The following TECTA variants were observed in gnomAD, a reference collection of about 807,000 sequenced individuals.
TECTA encodes tectorin alpha, also known as alpha-tectorin.
In TECTA, 128 loss-of-function variants were observed where a neutral mutation model predicts 216.8. That is an observed-to-expected ratio of 0.59 (90% CI 0.51 to 0.68). The LOEUF (loss-of-function observed/expected upper bound fraction) is 0.68. Among genes scored for constraint, TECTA ranks in the 30% least tolerant of loss-of-function variants. The probability of loss-of-function intolerance (pLI) is 0.00; values close to 1 mark genes in which losing one functional copy is unlikely to be tolerated. For synonymous variants in TECTA, 1,089 were observed against 1,117.1 expected, an observed-to-expected ratio of 0.97 and a Z score of 0.50; for missense variants, 2,551 against 2,786.2, an observed-to-expected ratio of 0.92 and a Z score of 1.90.
At position 121,165,396 on chromosome 11, in the gene TECTA, G is replaced by C; in HGVS notation, c.5383+13G>C. 1 of 1,564,562 alleles carries C rather than the reference G, an allele frequency of 6.4e-7. No individual in the cohort carries two copies. The highest frequency in any genetic ancestry group is 8.7e-7 in the Non-Finnish European group (1 of 1,153,182). On this transcript the variant is annotated intron_variant, in intron 17 of 23. Transcript: ENST00000392793. ...CCCTATGGAAATAGTGAGTGACATG[G>C]GCCACCTCCCCACCCAGAAAGGCCC...
chr11:121,186,422 A>G (rs1014232576), intron 20 of TECTA, among the ~76,000 whole-genome samples: 6 of 152,248 alleles, frequency 3.9e-5, no homozygotes, highest in African/African-American at 1.4e-4. Context: ...TAAGAAAGCC[A>G]GCCAGATAGC....
At chr11:121,160,465 T>A in intron 15 of TECTA, 44 bp downstream of exon 15, 1 of 1,600,534 alleles carries the variant, frequency 6.2e-7, no homozygotes, top group Non-Finnish European at 8.5e-7. Flanking sequence ...GTGGCCCAAG[T>A]TCTCTCACGT....
At chr11:121,135,008 T>C (rs1000212324) in intron 10 of TECTA, among the ~76,000 whole-genome samples, 5 of 152,214 alleles carry the variant, frequency 3.3e-5, no homozygotes, top group African/African-American at 1.2e-4. Flanking sequence ...CATGGCTTTC[T>C]TGGGCTGAGG....
chr11:121,167,896 C>A (rs76695833), intron 18 of TECTA, among the ~76,000 whole-genome samples, 158 bp from the exon 19 acceptor site: 4 of 152,000 alleles, frequency 2.6e-5, no homozygotes, highest in Non-Finnish European at 4.4e-5. Context: ...TTTTTTCCCC[C>A]AAGTAAATGC....
intron 20 of TECTA, among the ~76,000 whole-genome samples, chr11:121,181,157 C>T (rs1440465901): frequency 6.6e-6 from 1 of 151,922 alleles, no homozygotes; most frequent in Non-Finnish European, 1.5e-5. Context: ...GAGCAAGACT[C>T]CGTCTCAAAA....
At position 121,186,782 on chromosome 11, in the gene TECTA, G is replaced by T. The variant is rs1198366353; in HGVS notation, c.6000-1050G>T. ...TTATTGCTAAGCTATTTAATCCTGT[G>T]GACTAGGGAAAGGAAATATAAGGAA... is the stretch of plus-strand genomic sequence containing the variant. On this transcript the variant is annotated intron_variant, in intron 20 of 23. Coordinates refer to ENST00000392793, the MANE Select transcript of TECTA (RefSeq NM_005422.4). Among the ~76,000 whole-genome samples the T allele has an allele frequency of 4.6e-5, 7 of 152,256 alleles. No homozygotes were observed. In the East Asian group the frequency reaches 1.3e-3, roughly 29 times the overall value.
At position 121,125,619 on chromosome 11, in the gene TECTA, C is replaced by A; in HGVS notation, c.1521C>A (p.Cys507Ter). The change falls in exon 8 of 24, where the codon TGC becomes TGA. Residue 507 changes from cysteine to a stop codon, truncating the protein, a stop_gained. Transcript: ENST00000392793. LOFTEE classifies it high-confidence loss of function. ...WKCDSGCVDN[C>*]TQCDAATEAL... ...GCGACTCCGGCTGCGTCGACAACTGCACCCAGTGCGACGCTGCCACTGAAG... is the reference window on the plus strand; with the variant it reads ...GCGACTCCGGCTGCGTCGACAACTGAACCCAGTGCGACGCTGCCACTGAAG... 1 of 1,613,418 alleles carries A rather than the reference C, an allele frequency of 6.2e-7. No individual in the cohort carries two copies. Among genetic ancestry groups the A allele is most frequent in the Non-Finnish European group, 8.5e-7 (1 of 1,179,500 alleles).
At chr11:121,172,705 G>A (rs1947124373) in intron 20 of TECTA, among the ~76,000 whole-genome samples, 1 of 152,038 alleles carries the variant, frequency 6.6e-6, no homozygotes, top group Non-Finnish European at 1.5e-5. Context: ...TATATACCCA[G>A]TAATGGGATG....
Position 121,142,576 on chromosome 11 carries a change from G to A in TECTA, c.3544-2979G>A, listed in dbSNP as rs2186746. 7.1e-3 allele frequency among the ~76,000 whole-genome samples: 1,078 copies of A among 152,298 alleles called. 9 individuals carry two copies. The highest frequency in any genetic ancestry group is 0.048 in the Middle Eastern group (14 of 294). The stretch of plus-strand genomic sequence containing the variant: ...GGCATTGCCTCCTGAGTGACATCAG[G>A]TAGCCAGGGATATAGAATGCAAGGT... On this transcript the variant is annotated intron_variant, in intron 11 of 23. Transcript: ENST00000392793.
chr11:121,158,849 C>A lies in TECTA; in HGVS notation c.4689+625C>A, dbSNP rs550339072. 8.5e-5 allele frequency among the ~76,000 whole-genome samples: 13 copies of A among 152,178 alleles called. No homozygotes were observed. In the East Asian group the frequency reaches 1.9e-3, roughly 23 times the overall value. The stretch of plus-strand genomic sequence containing the variant: ...CACCTGTGTGTAAATAAATGTAAAC[C>A]CCCCACCCATCCTCACAACAAATAT... On this transcript the variant is annotated intron_variant, in intron 14 of 23. Transcript: ENST00000392793.
rs1946655671 is a variant in TECTA, at chr11:121,129,957, G to A, written c.2687G>A (p.Cys896Tyr). ...NGECGDLLKA[C>Y]NNDSELLKFY... ...GAGTGTGGGGACCTGCTGAAGGCCT[G>A]CAACAATGACTCGGAGCTGCTCAAG... The change falls in exon 10 of 24, where the codon TGC (cysteine) becomes TAC (tyrosine). Residue 896 changes from cysteine to tyrosine, a missense_variant. Physicochemically the swap from Cys to Tyr is radical, Grantham distance 194 (BLOSUM62 -2). Transcript: ENST00000392793. 3 of 1,607,146 alleles carry A rather than the reference G, an allele frequency of 1.9e-6. No homozygotes were observed. Among genetic ancestry groups the A allele is most frequent in the Non-Finnish European group, 2.6e-6 (3 of 1,175,368 alleles).
intron 12 of TECTA, among the ~76,000 whole-genome samples, chr11:121,149,729 C>T (rs552181701): frequency 1.5e-4 from 23 of 152,296 alleles, no homozygotes; most frequent in Middle Eastern, 3.4e-3. Context: ...TCCTGTCTAC[C>T]AAGGCACAGA....
chr11:121,135,581 C>A (rs540722000), intron 10 of TECTA, among the ~76,000 whole-genome samples: 2 of 152,306 alleles, frequency 1.3e-5, no homozygotes, highest in Admixed American at 6.5e-5. Flanking sequence ...TGGAGATAGT[C>A]CTTTAGCGCA....
chr11:121,130,871 C>T (rs1946667285), intron 10 of TECTA, among the ~76,000 whole-genome samples: 1 of 152,136 alleles, frequency 6.6e-6, no homozygotes, highest in South Asian at 2.1e-4. Context: ...GCACACAACC[C>T]TCTCCCACCA....
At chr11:121,164,363 G>T (rs1218554831) in intron 16 of TECTA, among the ~76,000 whole-genome samples, 1 of 152,156 alleles carries the variant, frequency 6.6e-6, no homozygotes, top group Non-Finnish European at 1.5e-5. Context: ...CTCATGCTGG[G>T]ATTGAACAGT....
chr11:121,132,770 A>G (rs963069275), intron 10 of TECTA, among the ~76,000 whole-genome samples: 5 of 152,058 alleles, frequency 3.3e-5, no homozygotes, highest in African/African-American at 1.2e-4. Flanking sequence ...CCCAGGCTGG[A>G]GTGCAGTGGC....
chr11:121,179,953 GT>G (rs1044073052), intron 20 of TECTA, among the ~76,000 whole-genome samples: 5 of 139,004 alleles, frequency 3.6e-5, no homozygotes, highest in South Asian at 2.4e-4. Context: ...ATATATTTGA[GT>G]TTTTTTTGTT....
intron 4 of TECTA, chr11:121,110,632 C>A (rs1348816501): frequency 1.3e-5 from 2 of 152,172 alleles, no homozygotes; most frequent in Non-Finnish European, 2.9e-5. Context: ...CTAACGACTC[C>A]TCGGGTGATG....
chr11:121,156,801 T>C (rs1946945799), intron 13 of TECTA, among the ~76,000 whole-genome samples: 1 of 152,150 alleles, frequency 6.6e-6, no homozygotes, highest in African/African-American at 2.4e-5. Context: ...AACCACAAGA[T>C]ATTATTAATA....
Sources: allele counts gnomAD v4.1 joint callset (sites outside exome capture counted in the v4.1 genomes callset), GRCh38; gene constraint gnomAD v4.1.1; transcripts MANE v1.5; gene names NCBI Gene and HGNC (gene_info 2026-07-23, HGNC 2026-07-21).